The following MROH9 variants were observed in gnomAD, a reference collection of about 807,000 sequenced individuals.
MROH9 encodes maestro heat-like repeat-containing protein family member 9.
MROH9 carries 92 observed loss-of-function variants against 98.2 expected under a neutral mutation model. The ratio of observed to expected loss-of-function variants is 0.94; its 90% CI spans 0.79 to 1.11. The LOEUF is 1.11. Ranked by LOEUF, MROH9 falls within the 50% of genes most tolerant of loss-of-function variation. MROH9 has a pLI of 0.00. For synonymous variants in MROH9, 397 were observed against 368.9 expected (o/e 1.08, Z -0.87); for missense variants, 1,057 against 1,014.8 (o/e 1.04, Z -0.57).
Position 171,041,408 on chromosome 1 carries a change from TACACAC to T in MROH9, c.2281+16012_2281+16017del, listed in dbSNP as rs137951871. Among the ~76,000 whole-genome samples, 776 of 103,034 alleles carry T rather than the reference TACACAC, an allele frequency of 7.5e-3. 13 individuals carry two copies. The highest frequency in any genetic ancestry group is 0.025 in the African/African-American group (727 of 29,196). 67.6% of individuals were successfully genotyped at this position (103,034 alleles called of 152,430 possible). A position where few individuals can be genotyped will look rare whatever the true frequency, so the allele number is the denominator to read the frequency against. ...GTGTGTATGTATTGGTCAAGATACA[TACACAC>T]ACACACACACACACACACACACATA... On this transcript the variant is annotated intron_variant, in intron 20 of 21. Transcript: ENST00000367759.
At position 170,938,142 on chromosome 1, in the gene MROH9, A is replaced by C. The variant is rs79661142; in HGVS notation, c.-38+2555A>C. On this transcript the variant is annotated intron_variant, in intron 1 of 21. Transcript: ENST00000367759. ...CAACCAGCACCATAACTCCCTTCTT[A>C]GCCTGTTGACTCAGAAGCACAAGGA... 3.0e-3 allele frequency among the ~76,000 whole-genome samples: 463 copies of C among 152,260 alleles called. 3 individuals are homozygous for C. Among genetic ancestry groups the C allele is most frequent in the African/African-American group, 0.011 (437 of 41,564 alleles).
intron 20 of MROH9, among the ~76,000 whole-genome samples, chr1:171,046,272 G>A (rs899753860): frequency 6.6e-6 from 1 of 151,980 alleles, no homozygotes; most frequent in African/African-American, 2.4e-5. Context: ...TCTTTTGATT[G>A]GGGAATTTAA....
intron 1 of MROH9, among the ~76,000 whole-genome samples, chr1:170,937,242 C>G (rs1397328348): frequency 6.6e-6 from 1 of 152,208 alleles, no homozygotes; most frequent in Non-Finnish European, 1.5e-5. Flanking sequence ...ATGCACTAAA[C>G]CCTTCTCAGA....
intron 20 of MROH9, 112 bp downstream of exon 20, chr1:171,025,532 C>A: frequency 4.5e-6 from 3 of 668,164 alleles, no homozygotes; most frequent in South Asian, 3.7e-5. Context: ...TGAGGGACAG[C>A]ACCTGTGATG....
At chr1:170,995,025 T>C (rs1201927099) in intron 12 of MROH9, among the ~76,000 whole-genome samples, 1 of 151,986 alleles carries the variant, frequency 6.6e-6, no homozygotes, top group Non-Finnish European at 1.5e-5. Context: ...TCTCACTTCC[T>C]TGTATTGTTT....
chr1:170,991,071 G>A (rs1651337037), intron 11 of MROH9, among the ~76,000 whole-genome samples: 1 of 152,086 alleles, frequency 6.6e-6, no homozygotes, highest in African/African-American at 2.4e-5. Context: ...ATTTTGCTGA[G>A]GAGAGGGAAT....
intron 15 of MROH9, chr1:170,998,667 C>T: frequency 9.0e-7 from 1 of 1,112,700 alleles, no homozygotes; most frequent in Non-Finnish European, 1.1e-6. Context: ...AAGGAACTGG[C>T]TGAGTAACTG....
chr1:170,984,915 C>T (rs897327628), intron 9 of MROH9, among the ~76,000 whole-genome samples: 43 of 152,004 alleles, frequency 2.8e-4, no homozygotes, highest in African/African-American at 9.7e-4. Flanking sequence ...GGCCTATAGC[C>T]AAAGACAAAG....
chr1:170,956,957 T>G (rs186118461), intron 3 of MROH9, among the ~76,000 whole-genome samples: 1 of 152,054 alleles, frequency 6.6e-6, no homozygotes, highest in East Asian at 1.9e-4. Context: ...GCTTTTTGTA[T>G]GTATTTTTTG....
chr1:170,965,712 C>T (rs921072054), intron 7 of MROH9, among the ~76,000 whole-genome samples: 1 of 152,028 alleles, frequency 6.6e-6, no homozygotes, highest in African/African-American at 2.4e-5. Context: ...CTCTCCACAC[C>T]AACCCTGTCC....
At chr1:170,995,325 G>T in intron 12 of MROH9, 64 bp from the exon 13 acceptor site, 1 of 1,586,158 alleles carries the variant, frequency 6.3e-7, no homozygotes. Flanking sequence ...GCTCCCCTCA[G>T]TAAGGTTGAC....
At chr1:171,058,822 T>C (rs1218862586) in intron 20 of MROH9, among the ~76,000 whole-genome samples, 1 of 152,224 alleles carries the variant, frequency 6.6e-6, no homozygotes, top group Non-Finnish European at 1.5e-5. Context: ...ACCCTTTCCT[T>C]ACACCTTATA....
At chr1:171,049,096 G>T (rs897170402) in intron 20 of MROH9, among the ~76,000 whole-genome samples, 1 of 152,150 alleles carries the variant, frequency 6.6e-6, no homozygotes, top group African/African-American at 2.4e-5. Context: ...GGAGCCATGA[G>T]CTGTGTAGTC....
At chr1:170,970,731 T>TGTGTGTGTGTGTGTGTGAGA (rs1491154307) in intron 7 of MROH9, among the ~76,000 whole-genome samples, 14 of 90,800 alleles carry the variant, frequency 1.5e-4, no homozygotes, top group South Asian at 4.2e-4. Context: ...TGTGTGTGTG[T>TGTGTGTGTGTGTGTGTGAGA]GAGAGAGAGA....
chr1:170,966,089 C>T (rs1028122017), intron 7 of MROH9, among the ~76,000 whole-genome samples: 16 of 151,948 alleles, frequency 1.1e-4, no homozygotes, highest in African/African-American at 3.9e-4. Context: ...CCTGGAAAGG[C>T]TTAGAAAGAT....
chr1:170,970,725 T>TGAGA (rs1557878679), intron 7 of MROH9, among the ~76,000 whole-genome samples: 2 of 129,510 alleles, frequency 1.5e-5, no homozygotes, highest in African/African-American at 6.4e-5. Context: ...TGTGTGTGTG[T>TGAGA]GTGTGTGAGA....
intron 20 of MROH9, among the ~76,000 whole-genome samples, chr1:171,055,402 C>T (rs1180969145): frequency 6.6e-6 from 1 of 151,968 alleles, no homozygotes; most frequent in Non-Finnish European, 1.5e-5. Flanking sequence ...GTGGGCAGAT[C>T]ACAAGGTCAG....
intron 20 of MROH9, among the ~76,000 whole-genome samples, chr1:171,030,653 G>T (rs1049617938): frequency 9.2e-5 from 14 of 152,124 alleles, no homozygotes; most frequent in Non-Finnish European, 2.9e-5. Context: ...CTGAAAGACT[G>T]TTTGTTATGA....
In MROH9 at chr1:170,989,906, A is replaced by G. The variant is rs371280477; in HGVS notation, c.931A>G (p.Met311Val). The stretch of plus-strand genomic sequence containing the variant: ...CAGGCAACTGTGTGATAACAATTGT[A>G]TGAAGGATGTTATGTTGCAGGTTAT... ...IYRQLCDNNC[M>V]KDVMLQVITL... Residue 311 changes from methionine to valine, a missense_variant, in exon 11 of 22, where the codon ATG (methionine) becomes GTG (valine). By Grantham distance (21) the Met-to-Val change is conservative. Transcript: ENST00000367759. The G allele has an allele frequency of 1.2e-6, 2 of 1,612,726 alleles. No individual in the cohort carries two copies. Among genetic ancestry groups the G allele is most frequent in the African/African-American group, 2.7e-5 (2 of 74,862 alleles).
Sources: allele counts gnomAD v4.1 joint callset (sites outside exome capture counted in the v4.1 genomes callset), GRCh38; gene constraint gnomAD v4.1.1; transcripts MANE v1.5; gene names NCBI Gene and HGNC (gene_info 2026-07-23, HGNC 2026-07-21).